The following ISY1 variants were observed in gnomAD, a reference collection of about 807,000 sequenced individuals.
ISY1 encodes the protein ISY1 spliceosome associated protein.
Under a neutral mutation model 54.4 loss-of-function variants are expected in ISY1, and 12 were observed. The ratio of observed to expected loss-of-function variants is 0.22; its 90% confidence interval spans 0.14 to 0.36. The LOEUF (loss-of-function observed/expected upper bound fraction) is 0.36, where lower values mean the gene tolerates loss of function less well. ISY1 is among the 10% of genes least tolerant of loss of function. The pLI is 1.00. For synonymous variants in ISY1, 96 were observed against 117.9 expected (o/e 0.81, Z 1.20); for missense variants, 282 against 342.2 (o/e 0.82, Z 1.39).
At chr3:129,139,162 C>T (rs1936530338) in intron 7 of ISY1, among the ~76,000 whole-genome samples, 1 of 151,990 alleles carries the variant, frequency 6.6e-6, no homozygotes, top group Non-Finnish European at 1.5e-5. Context: ...GTCTCGAACT[C>T]CTGACCTTGT....
intron 5 of ISY1, among the ~76,000 whole-genome samples, chr3:129,146,207 C>T (rs905579410): frequency 1.7e-4 from 25 of 150,484 alleles, no homozygotes; most frequent in African/African-American, 6.0e-4. Flanking sequence ...GATGGGGAAA[C>T]AGCAACTAAG....
chr3:129,135,079 T>C, intron 7 of ISY1, 125 bp from the exon 8 acceptor site: 1 of 1,299,458 alleles, frequency 7.7e-7, no homozygotes, highest in Non-Finnish European at 1.0e-6. Flanking sequence ...GTGGGCGCAG[T>C]GGCTCATGCT....
chr3:129,130,761 T>C (rs1936216386), intron 9 of ISY1, 125 bp from the exon 10 acceptor site: 2 of 1,021,876 alleles, frequency 2.0e-6, no homozygotes, highest in East Asian at 2.8e-5. Context: ...TCTATACTTA[T>C]AGAAAGACAC....
chr3:129,134,324 G>A (rs1560013636), intron 8 of ISY1, 129 bp from the exon 9 acceptor site: 4 of 1,502,682 alleles, frequency 2.7e-6, no homozygotes, highest in African/African-American at 1.4e-5. Flanking sequence ...CCTTCATTCT[G>A]CCCCCGTGGG....
At chr3:129,155,711 CTG>C (rs1464454241) in intron 5 of ISY1, among the ~76,000 whole-genome samples, 2 of 151,532 alleles carry the variant, frequency 1.3e-5, no homozygotes, top group African/African-American at 4.9e-5. Context: ...AGAAAATACT[CTG>C]TGTAATTTCA....
In ISY1 at chr3:129,127,933, G is replaced by A. The variant is rs922275383; in HGVS notation, c.*2148C>T. On this transcript the variant is annotated 3_prime_UTR_variant, in exon 11 of 11. Coordinates refer to ENST00000393295, the MANE Select transcript of ISY1 (RefSeq NM_020701.4). ...AATGCCAGGAAGCACCAGAGTGCGC[G>A]TGTGCCCCTTGGAAGACAAACCCAC... 2.6e-5 allele frequency: 4 copies of A among 152,298 alleles called. No homozygotes were observed. Among genetic ancestry groups the A allele is most frequent in the South Asian group, 2.1e-4 (1 of 4,838 alleles). 9.4% of individuals were successfully genotyped at this position (152,298 alleles called of 1,614,324 possible). A position where few individuals can be genotyped will look rare whatever the true frequency, so the allele number is the denominator to read the frequency against.
intron 5 of ISY1, among the ~76,000 whole-genome samples, chr3:129,151,631 A>G (rs1936973969): frequency 1.3e-5 from 2 of 152,194 alleles, no homozygotes; most frequent in African/African-American, 4.8e-5. Context: ...TCCATCTCAA[A>G]AAAAAGAAAA....
At chr3:129,133,085 G>T (rs538649366) in intron 9 of ISY1, among the ~76,000 whole-genome samples, 83 of 152,246 alleles carry the variant, frequency 5.5e-4, no homozygotes, top group South Asian at 1.9e-3. Context: ...CCCCGCAGAA[G>T]AGCTCTGCCT....
chr3:129,136,874 CTTTTTTT>C (rs1402406086), intron 7 of ISY1, among the ~76,000 whole-genome samples: 2 of 123,788 alleles, frequency 1.6e-5, no homozygotes, highest in African/African-American at 6.0e-5. Flanking sequence ...TTTTCTTCTT[CTTTTTTT>C]TTTTATTTTT....
Position 129,140,431 on chromosome 3 carries a change from C to T in ISY1, c.355G>A (p.Gly119Ser). Residue 119 changes from glycine (G) to serine (S), a missense_variant, in exon 7 of 11, where the codon GGT becomes AGT. Gly to Ser is a moderately conservative substitution (Grantham distance 56). Transcript: ENST00000393295. ...TTTGCTGCTCCAAAGTACTTGTAAC[C>T]TCGGTTTCCTGGGACTTCTTTTCCT... ...HEGKEVPGNR[G>S]YKYFGAAKDL... is the part of the protein sequence containing the mutation. 1 of 1,613,366 alleles carries T rather than the reference C, an allele frequency of 6.2e-7. No individual in the cohort carries two copies. Among genetic ancestry groups the T allele is most frequent in the Non-Finnish European group, 8.5e-7 (1 of 1,179,876 alleles).
At position 129,134,946 on chromosome 3, in the gene ISY1, G is replaced by T; in HGVS notation, c.427C>A (p.Pro143Thr). ...RELFEKEPLP[P>T]PRKTRAELMK... ...AGCTCAGCACGTGTCTTTCTGGGAGGAGGAAGAGCTATAAGAAACAGAAAT... is the reference window on the plus strand; with the variant it reads ...AGCTCAGCACGTGTCTTTCTGGGAGTAGGAAGAGCTATAAGAAACAGAAAT... The change falls in exon 8 of 11, where the codon CCT becomes ACT. Residue 143 changes from proline to threonine, a missense_variant. Pro to Thr is a conservative substitution (Grantham distance 38). Transcript: ENST00000393295. 6.2e-7 allele frequency: 1 copy of T among 1,605,960 alleles called. No homozygotes were observed. The highest frequency in any genetic ancestry group is 8.5e-7 in the Non-Finnish European group (1 of 1,175,598).
At chr3:129,140,900 T>C (rs1936586953) in intron 6 of ISY1, among the ~76,000 whole-genome samples, 1 of 151,770 alleles carries the variant, frequency 6.6e-6, no homozygotes, top group African/African-American at 2.4e-5. Context: ...ATTTCCATGT[T>C]TGCAAATATA....
chr3:129,160,962 A>ACCCCCCCCCCCCCC lies in ISY1; in HGVS notation c.3+10_3+11insGGGGGGGGGGGGGG. The ACCCCCCCCCCCCCC allele has an allele frequency of 2.5e-6, 1 of 400,272 alleles. No individual in the cohort carries two copies. The highest frequency in any genetic ancestry group is 4.0e-6 in the Non-Finnish European group (1 of 253,134). 24.8% of individuals were successfully genotyped at this position (400,272 alleles called of 1,614,324 possible). A position where few individuals can be genotyped will look rare whatever the true frequency, so the allele number is the denominator to read the frequency against. On this transcript the variant is annotated intron_variant, in intron 1 of 10. Coordinates refer to ENST00000393295, the MANE Select transcript of ISY1 (RefSeq NM_020701.4). The stretch of plus-strand genomic sequence containing the variant: ...CATCCACTCGCTCCCTCACCCGCCC[A>ACCCCCCCCCCCCCC]CCCTACTCACCATGGTGTCGCTAAG...
chr3:129,136,380 G>C (rs2107603046), intron 7 of ISY1, among the ~76,000 whole-genome samples: 1 of 152,286 alleles, frequency 6.6e-6, no homozygotes, highest in South Asian at 2.1e-4. Context: ...AAGATTATAG[G>C]TGTGAGCCAC....
intron 1 of ISY1, 65 bp from the exon 2 acceptor site, chr3:129,159,241 C>G (rs946672993): frequency 1.3e-5 from 21 of 1,572,496 alleles, no homozygotes; most frequent in Admixed American, 6.4e-5. Flanking sequence ...TTGCCCTTTA[C>G]TTTTTAGTGA....
intron 5 of ISY1, among the ~76,000 whole-genome samples, chr3:129,149,609 A>T (rs1576886114): frequency 3.7e-5 from 2 of 53,426 alleles, no homozygotes; most frequent in Non-Finnish European, 7.4e-5. Flanking sequence ...AAAAAAAAAA[A>T]AATATATATA....
intron 7 of ISY1, among the ~76,000 whole-genome samples, chr3:129,138,152 C>T (rs1230875507): frequency 1.3e-5 from 2 of 150,166 alleles, no homozygotes; most frequent in East Asian, 4.0e-4. Flanking sequence ...GTGGCGGGCG[C>T]CTATAGTACC....
chr3:129,154,242 C>CAA (rs777277943), intron 5 of ISY1, among the ~76,000 whole-genome samples: 101 of 47,580 alleles, frequency 2.1e-3, no homozygotes, highest in South Asian at 3.1e-3. Context: ...GACTCTGTCT[C>CAA]AAAAAAAAAA....
intron 6 of ISY1, chr3:129,144,050 A>G (rs975412573): frequency 5.6e-5 from 15 of 266,850 alleles, no homozygotes; most frequent in African/African-American, 2.2e-5. Flanking sequence ...AACATTTCAC[A>G]TACGAATTTT....
Sources: gnomAD v4.1 joint callset for allele counts (sites outside exome capture counted in the v4.1 genomes callset) on GRCh38, gnomAD v4.1.1 for gene constraint, MANE v1.5 for transcripts, NCBI Gene and HGNC (gene_info 2026-07-23, HGNC 2026-07-21) for gene names.